Variants in SERPINB7 observed in about 807,000 individuals in gnomAD.
SERPINB7 encodes the protein serpin family B member 7.
Under a neutral mutation model 37.4 loss-of-function variants are expected in SERPINB7, and 31 were observed. The observed-to-expected ratio is 0.83, with a 90% confidence interval of 0.62 to 1.12. The LOEUF (loss-of-function observed/expected upper bound fraction) is 1.12, where lower values mean the gene tolerates loss of function less well. Ranked by LOEUF, SERPINB7 falls within the 50% of genes most tolerant of loss-of-function variation. SERPINB7 has a pLI of 0.00. For missense variants in SERPINB7, 521 were observed against 455.3 expected (o/e 1.14, Z -1.31); for synonymous variants, 163 against 166.1 (o/e 0.98, Z 0.14).
rs1449498439 is a variant in SERPINB7 at position 63,759,116 on chromosome 18, CCTATT to C, written c.-19+6005_-19+6009del. 2.0e-5 allele frequency among the ~76,000 whole-genome samples: 3 copies of C among 152,204 alleles called. No homozygotes were observed. In the East Asian group the frequency reaches 5.8e-4, roughly 29 times the overall value. On this transcript the variant is annotated intron_variant, in intron 1 of 7. Coordinates refer to the SERPINB7 transcript ENST00000336429. ...GCTATGAGTAGGCTTCATGGTCTAT[CCTATT>C]CTATTCTACTCTTCTGATGTATCCT... is the stretch of plus-strand genomic sequence containing the variant.
intron 2 of SERPINB7, among the ~76,000 whole-genome samples, chr18:63,791,521 A>T (rs2049426858): frequency 6.6e-6 from 1 of 152,232 alleles, no homozygotes; most frequent in African/African-American, 2.4e-5. Context: ...CCTAATTTGT[A>T]TTGGCCCAAA....
At chr18:63,783,225 AGAG>A (rs1568207822) in intron 2 of SERPINB7, among the ~76,000 whole-genome samples, 790 of 74,184 alleles carry the variant, frequency 0.011, 1 homozygote, top group Non-Finnish European at 0.014. Flanking sequence ...AGAGAGAGAG[AGAG>A]AGAGAGAAAG....
chr18:63,804,217 T>A lies in SERPINB7; in HGVS notation c.745-20T>A. 1 of 1,502,838 alleles carries A rather than the reference T, an allele frequency of 6.7e-7. No individual in the cohort carries two copies. Among genetic ancestry groups the A allele is most frequent in the Non-Finnish European group, 8.9e-7 (1 of 1,119,448 alleles). 93.1% of individuals were successfully genotyped at this position (1,502,838 alleles called of 1,614,324 possible). Reference sequence around the variant, plus strand: ...CACTTGACCATATGATTCTAAATTATCTCTGAATTATTTTTACAGATTGAA... The same window carrying A: ...CACTTGACCATATGATTCTAAATTAACTCTGAATTATTTTTACAGATTGAA... On this transcript the variant is annotated intron_variant, in intron 7 of 7. Coordinates refer to ENST00000398019, the MANE Select transcript of SERPINB7 (RefSeq NM_003784.4).
chr18:63,783,207 AG>A (rs1599005124), intron 2 of SERPINB7, among the ~76,000 whole-genome samples: 41 of 87,740 alleles, frequency 4.7e-4, no homozygotes, highest in East Asian at 2.6e-3. Context: ...AGAGAGAGAG[AG>A]AGAGAGAGAG....
chr18:63,753,443 C>G (rs1314064316), intron 1 of SERPINB7, among the ~76,000 whole-genome samples: 1 of 152,050 alleles, frequency 6.6e-6, no homozygotes, highest in Non-Finnish European at 1.5e-5. Context: ...AAAAAAAGTG[C>G]CTACTGACGG....
At chr18:63,754,936 A>G (rs1007850125) in intron 1 of SERPINB7, among the ~76,000 whole-genome samples, 1 of 113,554 alleles carries the variant, frequency 8.8e-6, no homozygotes, top group South Asian at 3.0e-4. Flanking sequence ...TCTGTCGCCC[A>G]GGCCGGACTG....
intron 1 of SERPINB7, among the ~76,000 whole-genome samples, chr18:63,766,624 G>A (rs8091097): frequency 0.031 from 4,716 of 152,102 alleles, 121 homozygotes; most frequent in African/African-American, 0.066. Context: ...TTCTGAAATT[G>A]TCTTTCTCTT....
rs189555436 is a variant in SERPINB7, at chr18:63,793,899, T to A, written c.336+622T>A. ...AACATGACATACTAGTTGGACTTTT[T>A]AAAAAAGTATAAATGCTTAGTGGCT... On this transcript the variant is annotated intron_variant, in intron 4 of 7. Transcript: ENST00000398019. Among the ~76,000 whole-genome samples the A allele has an allele frequency of 4.7e-4, 72 of 152,230 alleles. 1 individual carries two copies. The highest frequency in any genetic ancestry group is 1.7e-3 in the African/African-American group (70 of 41,548).
At chr18:63,803,557 C>T (rs539019587) in intron 7 of SERPINB7, among the ~76,000 whole-genome samples, 27 of 152,230 alleles carry the variant, frequency 1.8e-4, no homozygotes, top group African/African-American at 5.8e-4. Context: ...TTGTGGGCAG[C>T]GATGCTGTTG....
chr18:63,783,219 AGAGAG>A (rs1568207740), intron 2 of SERPINB7, among the ~76,000 whole-genome samples: 123 of 74,638 alleles, frequency 1.6e-3, no homozygotes, highest in East Asian at 6.8e-3. Context: ...AGAGAGAGAG[AGAGAG>A]AGAGAGAGAG....
chr18:63,753,426 C>T (rs891270945), intron 1 of SERPINB7, among the ~76,000 whole-genome samples: 10 of 151,922 alleles, frequency 6.6e-5, no homozygotes, highest in African/African-American at 2.4e-4. Flanking sequence ...TATTCCTTAC[C>T]TTATGAAAAA....
At position 63,804,353 on chromosome 18, in the gene SERPINB7, G is replaced by C. The variant is rs1482244313; in HGVS notation, c.861G>C (p.Met287Ile). ...PQFKIEKNYE[M>I]KQYLRALGLK... ...TCAAGATAGAGAAGAATTATGAAAT[G>C]AAACAATATTTGAGAGCCCTAGGGC... Residue 287 changes from methionine (M) to isoleucine (I), a missense_variant, in exon 8 of 8, where the codon ATG (methionine) becomes ATC (isoleucine). Transcript: ENST00000398019. 3 of 1,613,750 alleles carry C rather than the reference G, an allele frequency of 1.9e-6. No homozygotes were observed. The highest frequency in any genetic ancestry group is 2.2e-5 in the South Asian group (2 of 91,062).
intron 1 of SERPINB7, among the ~76,000 whole-genome samples, chr18:63,760,427 C>T (rs2049146887): frequency 6.6e-6 from 1 of 152,146 alleles, no homozygotes; most frequent in African/African-American, 2.4e-5. Context: ...GGAAAATTTG[C>T]AGCCTGACTA....
At chr18:63,760,900 C>G (rs1052314070) in intron 1 of SERPINB7, among the ~76,000 whole-genome samples, 3 of 152,236 alleles carry the variant, frequency 2.0e-5, no homozygotes, top group African/African-American at 4.8e-5. Context: ...GAGTGGTCCT[C>G]TCATGGAGAA....
At chr18:63,797,043 G>C (rs1418907756) in intron 5 of SERPINB7, among the ~76,000 whole-genome samples, 1 of 152,156 alleles carries the variant, frequency 6.6e-6, no homozygotes, top group Non-Finnish European at 1.5e-5. Flanking sequence ...TTATTGGTAA[G>C]TCTCTGTCAC....
chr18:63,782,533 T>C lies in SERPINB7; in HGVS notation c.161T>C (p.Ile54Thr), dbSNP rs781567457. ...GCTCAAGATGACTCCCTCTCTCAGA[T>C]TGATAAGGTCAGTCTCAGCTTTTGC... ...LGAQDDSLSQ[I>T]DKLLHVNTAS... The change falls in exon 2 of 8, where the codon ATT becomes ACT. Residue 54 changes from isoleucine to threonine, a missense_variant. Coordinates refer to ENST00000398019, the MANE Select transcript of SERPINB7 (RefSeq NM_003784.4). The C allele has an allele frequency of 2.5e-6, 4 of 1,612,100 alleles. No homozygotes were observed. The highest frequency in any genetic ancestry group is 2.2e-5 in the East Asian group (1 of 44,822).
intron 1 of SERPINB7, among the ~76,000 whole-genome samples, chr18:63,766,807 G>T (rs1275739547): frequency 6.6e-6 from 1 of 152,066 alleles, no homozygotes; most frequent in Non-Finnish European, 1.5e-5. Flanking sequence ...ACCATCTAAA[G>T]GCTGCTCAAA....
chr18:63,799,935 T>C (rs1363851100), intron 6 of SERPINB7, among the ~76,000 whole-genome samples: 1 of 152,242 alleles, frequency 6.6e-6, no homozygotes, highest in Non-Finnish European at 1.5e-5. Flanking sequence ...GTGTTGTCTC[T>C]AAATCTATAA....
intron 5 of SERPINB7, among the ~76,000 whole-genome samples, chr18:63,798,005 G>A (rs907517361): frequency 6.6e-6 from 1 of 152,232 alleles, no homozygotes; most frequent in Non-Finnish European, 1.5e-5. Flanking sequence ...TGCTCCCACA[G>A]TGCACTGAGG....
Sources: allele counts gnomAD v4.1 joint callset (sites outside exome capture counted in the v4.1 genomes callset), GRCh38; gene constraint gnomAD v4.1.1; transcripts MANE v1.5; gene names NCBI Gene and HGNC (gene_info 2026-07-23, HGNC 2026-07-21).